The following CSMD1 variants were observed in gnomAD, a reference collection of about 807,000 sequenced individuals.
CSMD1 encodes the protein CUB and sushi domain-containing protein 1.
In CSMD1, 213 loss-of-function variants were observed where a neutral mutation model predicts 417.5. The observed-to-expected ratio is 0.51, with a 90% CI of 0.46 to 0.57. The LOEUF (loss-of-function observed/expected upper bound fraction) is 0.57. CSMD1 is among the 20% of genes least tolerant of loss of function. The pLI, the probability that CSMD1 is intolerant of heterozygous loss-of-function variation, is 0.00. For synonymous variants in CSMD1, 2,862 were observed against 1,736.8 expected (o/e 1.65, Z -16.11); for missense variants, 6,923 against 4,529.7 (o/e 1.53, Z -15.17).
At chr8:2,957,830 G>C (rs758405107) in intron 62 of CSMD1, 23 bp from the exon 63 acceptor site, 7 of 1,462,502 alleles carry the variant, frequency 4.8e-6, no homozygotes, top group Admixed American at 3.9e-5. Flanking sequence ...TCCAATACTA[G>C]CTTCAGAGGC....
intron 9 of CSMD1, among the ~76,000 whole-genome samples, chr8:3,582,326 T>A (rs1800418016): frequency 6.6e-6 from 1 of 152,282 alleles, no homozygotes; most frequent in South Asian, 2.1e-4. Flanking sequence ...CTCTAATGGA[T>A]GAATCCATTA....
At chr8:4,426,687 A>G (rs1055495456) in intron 2 of CSMD1, among the ~76,000 whole-genome samples, 1 of 147,052 alleles carries the variant, frequency 6.8e-6, no homozygotes, top group African/African-American at 2.5e-5. Flanking sequence ...TAATATAGTA[A>G]TATTTTTATT....
chr8:4,223,733 G>C (rs1046310924), intron 3 of CSMD1, among the ~76,000 whole-genome samples: 3 of 152,198 alleles, frequency 2.0e-5, no homozygotes, highest in African/African-American at 7.2e-5. Context: ...TGAGGAATTT[G>C]GGTCAGATTC....
intron 3 of CSMD1, among the ~76,000 whole-genome samples, chr8:4,103,269 A>ATATATG (rs1421154032): frequency 1.1e-4 from 16 of 150,920 alleles, no homozygotes; most frequent in Admixed American, 8.0e-4. Flanking sequence ...CATACATTAT[A>ATATATG]TATATCATAC....
chr8:4,946,532 G>T (rs546489418), intron 1 of CSMD1, among the ~76,000 whole-genome samples: 1 of 152,114 alleles, frequency 6.6e-6, no homozygotes, highest in Non-Finnish European at 1.5e-5. Context: ...CTCTAACCAG[G>T]CCTGAAGCAT....
chr8:4,739,595 G>A (rs1429926024), intron 1 of CSMD1, among the ~76,000 whole-genome samples: 1 of 152,056 alleles, frequency 6.6e-6, no homozygotes, highest in African/African-American at 2.4e-5. Context: ...GGTCTCCTTT[G>A]GGTCCGAGAA....
chr8:3,366,740 T>C (rs960598979), intron 20 of CSMD1, among the ~76,000 whole-genome samples: 3 of 152,122 alleles, frequency 2.0e-5, no homozygotes, highest in African/African-American at 7.2e-5. Context: ...GTGAAGAGAA[T>C]CGAGTGAGAA....
At chr8:4,327,728 G>C (rs895602414) in intron 3 of CSMD1, among the ~76,000 whole-genome samples, 1 of 152,138 alleles carries the variant, frequency 6.6e-6, no homozygotes, top group Non-Finnish European at 1.5e-5. Flanking sequence ...AATAACAAGA[G>C]ACCTACTGTC....
At chr8:3,167,407 C>A (rs1354226627) in intron 37 of CSMD1, among the ~76,000 whole-genome samples, 1 of 151,944 alleles carries the variant, frequency 6.6e-6, no homozygotes, top group African/African-American at 2.4e-5. Flanking sequence ...TGCCCAGGTG[C>A]CCTGATTAAA....
chr8:3,811,140 A>G (rs1179404795), intron 5 of CSMD1, among the ~76,000 whole-genome samples: 2 of 152,192 alleles, frequency 1.3e-5, no homozygotes, highest in African/African-American at 4.8e-5. Context: ...TAACTCCTCT[A>G]TGATATTAAA....
intron 20 of CSMD1, among the ~76,000 whole-genome samples, chr8:3,364,158 T>TAA (rs35668840): frequency 8.7e-5 from 13 of 149,452 alleles, no homozygotes; most frequent in Admixed American, 1.3e-4. Flanking sequence ...TTTGTATACT[T>TAA]AAAAAAAAAA....
chr8:4,349,397 G>C (rs1398764928), intron 3 of CSMD1, among the ~76,000 whole-genome samples: 1 of 152,118 alleles, frequency 6.6e-6, no homozygotes, highest in Non-Finnish European at 1.5e-5. Context: ...GGTAGGCAGA[G>C]GAAATATTAT....
chr8:4,132,115 T>A (rs1400939044), intron 3 of CSMD1, among the ~76,000 whole-genome samples: 1 of 151,838 alleles, frequency 6.6e-6, no homozygotes, highest in Non-Finnish European at 1.5e-5. Context: ...ATCCCCAAAG[T>A]CTGTCTTGAC....
chr8:3,742,017 G>A (rs118125209), intron 6 of CSMD1, among the ~76,000 whole-genome samples: 1 of 149,956 alleles, frequency 6.7e-6, no homozygotes, highest in Non-Finnish European at 1.5e-5. Context: ...GCCTTTCGAG[G>A]CTGGAATTCT....
At chr8:4,457,634 A>G (rs1443415362) in intron 2 of CSMD1, among the ~76,000 whole-genome samples, 1 of 152,114 alleles carries the variant, frequency 6.6e-6, no homozygotes, top group Non-Finnish European at 1.5e-5. Context: ...CATCATAAAT[A>G]TTTATTTTCA....
At chr8:3,659,168 C>A (rs1798281161) in intron 7 of CSMD1, among the ~76,000 whole-genome samples, 1 of 152,154 alleles carries the variant, frequency 6.6e-6, no homozygotes, top group African/African-American at 2.4e-5. Flanking sequence ...TTCATGGAAT[C>A]ATTTCTACGA....
At chr8:4,080,312 G>T (rs1218557286) in intron 3 of CSMD1, among the ~76,000 whole-genome samples, 1 of 152,090 alleles carries the variant, frequency 6.6e-6, no homozygotes, top group Non-Finnish European at 1.5e-5. Flanking sequence ...TAAGAGTAAG[G>T]CACGATCTTA....
intron 1 of CSMD1, among the ~76,000 whole-genome samples, chr8:4,699,322 T>C (rs1807359854): frequency 6.6e-6 from 1 of 152,214 alleles, no homozygotes; most frequent in African/African-American, 2.4e-5. Context: ...TTTACTTCTC[T>C]TAATACTGCA....
intron 47 of CSMD1, among the ~76,000 whole-genome samples, chr8:3,093,789 A>C (rs1265762677): frequency 6.6e-6 from 1 of 152,206 alleles, no homozygotes; most frequent in Non-Finnish European, 1.5e-5. Context: ...AGCATATTAA[A>C]TAATCGGGCA....
Sources: allele counts gnomAD v4.1 joint callset (sites outside exome capture counted in the v4.1 genomes callset), GRCh38; gene constraint gnomAD v4.1.1; transcripts MANE v1.5; gene names NCBI Gene and HGNC (gene_info 2026-07-23, HGNC 2026-07-21).